Variants in CMTM4 observed in about 807,000 individuals in gnomAD.
The protein encoded by CMTM4 is CKLF-like MARVEL transmembrane domain-containing protein 4.
Under a neutral mutation model 19.0 loss-of-function variants are expected in CMTM4, and 8 were observed. The observed-to-expected ratio is 0.42, with a 90% confidence interval of 0.25 to 0.76. CMTM4 has a LOEUF of 0.76. CMTM4 is among the 30% of genes least tolerant of loss of function. CMTM4 has a pLI of 0.27. For synonymous variants in CMTM4, 106 were observed against 121.1 expected, an observed-to-expected ratio of 0.88 and a Z score of 0.82; for missense variants, 228 against 290.2, an observed-to-expected ratio of 0.79 and a Z score of 1.56.
At chr16:66,631,220 C>CA (rs2015859254) in intron 2 of CMTM4, among the ~76,000 whole-genome samples, 1 of 141,362 alleles carries the variant, frequency 7.1e-6, no homozygotes, top group Admixed American at 7.1e-5. Flanking sequence ...GGTGGGGGGT[C>CA]AGCCCCCCGC....
chr16:66,650,551 T>C (rs2016291467), intron 1 of CMTM4, among the ~76,000 whole-genome samples: 1 of 152,194 alleles, frequency 6.6e-6, no homozygotes, highest in Non-Finnish European at 1.5e-5. Context: ...GGTCTTCTCA[T>C]ACTAAGCCCC....
chr16:66,674,732 C>CCT (rs2016775537), intron 1 of CMTM4, among the ~76,000 whole-genome samples: 2 of 92,486 alleles, frequency 2.2e-5, no homozygotes, highest in African/African-American at 8.8e-5. Context: ...GTTACATATT[C>CCT]TTTTTTTTTT....
chr16:66,694,041 AAG>A (rs1361120500), intron 1 of CMTM4, among the ~76,000 whole-genome samples: 19 of 152,024 alleles, frequency 1.2e-4, no homozygotes, highest in Admixed American at 7.2e-4. Flanking sequence ...AAGAAAAAGA[AAG>A]AGTGAGAAGA....
chr16:66,693,753 G>A (rs2017179321), intron 1 of CMTM4, among the ~76,000 whole-genome samples: 3 of 152,204 alleles, frequency 2.0e-5, no homozygotes, highest in African/African-American at 7.2e-5. Context: ...AGGCGTGGTG[G>A]CTCACGTCTG....
At chr16:66,631,470 C>A (rs2015869517) in intron 2 of CMTM4, among the ~76,000 whole-genome samples, 1 of 152,156 alleles carries the variant, frequency 6.6e-6, no homozygotes, top group African/African-American at 2.4e-5. Context: ...ATGACAATGG[C>A]AGTGTTGTGG....
intron 1 of CMTM4, 33 bp from the exon 2 acceptor site, chr16:66,636,614 A>G (rs574534471): frequency 1.2e-5 from 19 of 1,576,614 alleles, no homozygotes; most frequent in South Asian, 3.3e-5. Context: ...ATATGTACGT[A>G]TATGTTTAGT....
intron 2 of CMTM4, among the ~76,000 whole-genome samples, chr16:66,635,687 C>T (rs994831535): frequency 1.3e-4 from 20 of 152,348 alleles, no homozygotes; most frequent in African/African-American, 4.3e-4. Flanking sequence ...ACTGTGCTTA[C>T]GTGGATCTCC....
At chr16:66,690,401 T>C (rs2017113378) in intron 1 of CMTM4, among the ~76,000 whole-genome samples, 1 of 152,200 alleles carries the variant, frequency 6.6e-6, no homozygotes, top group Non-Finnish European at 1.5e-5. Context: ...CTGAGGGGAT[T>C]TGGGGCTGAT....
chr16:66,630,628 G>A (rs1250932476), intron 2 of CMTM4, among the ~76,000 whole-genome samples: 3 of 151,958 alleles, frequency 2.0e-5, no homozygotes, highest in South Asian at 2.1e-4. Context: ...ACGGAGTCTC[G>A]TTCACTCAGT....
chr16:66,691,380 A>G (rs527511830), intron 1 of CMTM4, among the ~76,000 whole-genome samples: 16 of 152,306 alleles, frequency 1.1e-4, no homozygotes, highest in Middle Eastern at 3.4e-3. Flanking sequence ...ATTCTCCCCA[A>G]CTAAGAGATA....
chr16:66,601,724 G>A, the CMTM4 span, among the ~76,000 whole-genome samples: 3 of 152,246 alleles, frequency 2.0e-5, no homozygotes, highest in Non-Finnish European at 4.4e-5. Flanking sequence ...ATCAGAGCAC[G>A]TGTCCACAGC....
intron 1 of CMTM4, among the ~76,000 whole-genome samples, chr16:66,667,627 T>C (rs1022340802): frequency 1.3e-5 from 2 of 152,100 alleles, no homozygotes; most frequent in Non-Finnish European, 2.9e-5. Flanking sequence ...CGGTGGCTCA[T>C]GCCTGTAACC....
chr16:66,645,250 C>G (rs1308583252), intron 1 of CMTM4, among the ~76,000 whole-genome samples: 2 of 148,652 alleles, frequency 1.3e-5, no homozygotes, highest in Admixed American at 1.3e-4. Context: ...CGTCACTGCA[C>G]TCCAGCCTGG....
At chr16:66,602,481 T>C in the CMTM4 span, among the ~76,000 whole-genome samples, 47 of 151,216 alleles carry the variant, frequency 3.1e-4, no homozygotes, top group Non-Finnish European at 5.2e-4. Flanking sequence ...TACCCAAGGG[T>C]AAAAAAAAAC....
intron 1 of CMTM4, among the ~76,000 whole-genome samples, chr16:66,675,743 C>A (rs1057304626): frequency 2.0e-5 from 3 of 152,168 alleles, no homozygotes; most frequent in African/African-American, 7.2e-5. Flanking sequence ...CCACTTACCA[C>A]CACCTCCACC....
chr16:66,604,703 C>T, the CMTM4 span: 1 of 913,656 alleles, frequency 1.1e-6, no homozygotes, highest in South Asian at 5.3e-5. Flanking sequence ...CTGCGCGAGC[C>T]AGTGTCGCCT....
chr16:66,683,176 CATATGTATATATATATACATATATAT>C (rs2016962949), intron 1 of CMTM4, among the ~76,000 whole-genome samples: 3 of 106,044 alleles, frequency 2.8e-5, no homozygotes, highest in East Asian at 3.0e-4. Flanking sequence ...TATATATATA[CATATGTATATATATATACATATATAT>C]ATATATATAA....
At chr16:66,687,107 A>T (rs1244234200) in intron 1 of CMTM4, among the ~76,000 whole-genome samples, 1 of 149,930 alleles carries the variant, frequency 6.7e-6, no homozygotes, top group Non-Finnish European at 1.5e-5. Context: ...GCATCAACAA[A>T]TTTATTAAGC....
intron 1 of CMTM4, among the ~76,000 whole-genome samples, chr16:66,672,645 G>T (rs1396803185): frequency 1.3e-5 from 2 of 151,004 alleles, no homozygotes; most frequent in African/African-American, 2.4e-5. Context: ...TGTTTTTTTT[G>T]AGATGGAGTC....
Sources: gnomAD v4.1 joint callset for allele counts (sites outside exome capture counted in the v4.1 genomes callset) on GRCh38, gnomAD v4.1.1 for gene constraint, MANE v1.5 for transcripts, NCBI Gene and HGNC (gene_info 2026-07-23, HGNC 2026-07-21) for gene names.